Variants in LAMA4 observed in about 807,000 individuals in gnomAD.
LAMA4 encodes laminin subunit alpha 4, also known as laminin subunit alpha-4.
A neutral mutation model predicts 207.1 loss-of-function variants in LAMA4; 127 were observed. The observed-to-expected ratio is 0.61, with a 90% CI of 0.53 to 0.71. The LOEUF (loss-of-function observed/expected upper bound fraction) is 0.71, where lower values mean the gene tolerates loss of function less well. Among genes scored for constraint, LAMA4 ranks in the 30% least tolerant of loss-of-function variants. LAMA4 has a pLI of 0.00. For missense variants in LAMA4, 2,093 were observed against 2,246.5 expected (o/e 0.93, Z 1.38); for synonymous variants, 761 against 816.0 (o/e 0.93, Z 1.15).
chr6:112,148,747 G>T (rs1057249182), intron 17 of LAMA4, among the ~76,000 whole-genome samples: 1 of 151,972 alleles, frequency 6.6e-6, no homozygotes, highest in Admixed American at 6.6e-5. Context: ...AAGAGTTTTA[G>T]TAGTGAATTC....
intron 38 of LAMA4, among the ~76,000 whole-genome samples, chr6:112,109,930 A>G (rs2114530914): frequency 6.6e-6 from 1 of 152,294 alleles, no homozygotes; most frequent in South Asian, 2.1e-4. Context: ...CCTCACTTAT[A>G]ATGTGTACTT....
intron 2 of LAMA4, among the ~76,000 whole-genome samples, chr6:112,228,686 G>C (rs1172981943): frequency 6.6e-6 from 1 of 152,364 alleles, no homozygotes. Flanking sequence ...GAGCTTGCCG[G>C]CGGGAGCTGC....
Position 112,191,819 on chromosome 6 carries a change from G to C in LAMA4, c.535C>G (p.Leu179Val). 6.2e-7 allele frequency: 1 copy of C among 1,613,978 alleles called. No homozygotes were observed. Among genetic ancestry groups the C allele is most frequent in the Non-Finnish European group, 8.5e-7 (1 of 1,179,890 alleles). Residue 179 changes from leucine (L) to valine (V), a missense_variant, in exon 6 of 39, where the codon CTC (leucine) becomes GTC (valine). Coordinates refer to ENST00000230538, the MANE Select transcript of LAMA4 (RefSeq NM_001105206.3). ...CAPGYYGNPL[L>V]IGSTCKKCDC... ...CATTTCTTACAGGTGCTTCCAATGAGTAAGGGGTTTCCATAGTAACCGGGA... is the reference window on the plus strand; with the variant it reads ...CATTTCTTACAGGTGCTTCCAATGACTAAGGGGTTTCCATAGTAACCGGGA...
Position 112,185,247 on chromosome 6 carries a change from A to T in LAMA4, c.1067T>A (p.Leu356Ter). The T allele has an allele frequency of 6.3e-7, 1 of 1,599,212 alleles. No individual in the cohort carries two copies. The highest frequency in any genetic ancestry group is 8.6e-7 in the Non-Finnish European group (1 of 1,166,586). ...MKSLLSDVEE[L>*]VEKENQASRK... ...TACATACATACGTACCTTTTCAACTAATTCCTCTACGTCAGACAGAAGGCT... is the reference window on the plus strand; with the variant it reads ...TACATACATACGTACCTTTTCAACTTATTCCTCTACGTCAGACAGAAGGCT... The change falls in exon 9 of 39, where the codon TTA becomes TAA. Residue 356 changes from leucine to a stop codon, truncating the protein, a stop_gained. Transcript: ENST00000230538. LOFTEE classifies it high-confidence loss of function.
intron 3 of LAMA4, among the ~76,000 whole-genome samples, chr6:112,207,663 C>G (rs1784139443): frequency 6.6e-6 from 1 of 151,902 alleles, no homozygotes; most frequent in African/African-American, 2.4e-5. Flanking sequence ...AAAGAGCATT[C>G]TGCTCATGGG....
chr6:112,152,363 T>C (rs1393858322), intron 16 of LAMA4, among the ~76,000 whole-genome samples: 2 of 152,080 alleles, frequency 1.3e-5, no homozygotes, highest in African/African-American at 2.4e-5. Context: ...GATTTTGTAT[T>C]TGCATCAGTT....
chr6:112,190,498 G>A (rs963050705), intron 6 of LAMA4, among the ~76,000 whole-genome samples: 6 of 152,150 alleles, frequency 3.9e-5, no homozygotes, highest in Non-Finnish European at 5.9e-5. Flanking sequence ...GCATGCCACA[G>A]GAGTACAATA....
chr6:112,254,417 C>T, intron 1 of LAMA4, 42 bp downstream of exon 1: 1 of 527,426 alleles, frequency 1.9e-6, no homozygotes, highest in Non-Finnish European at 3.4e-6. Context: ...CTCCTTCCCG[C>T]AGAGGTTCTG....
Position 112,109,224 on chromosome 6 carries a change from C to G in LAMA4, c.*213G>C. On this transcript the variant is annotated 3_prime_UTR_variant, in exon 39 of 39. Coordinates refer to ENST00000230538, the MANE Select transcript of LAMA4 (RefSeq NM_001105206.3). ...CTCAATACAAGTAAGTTTGCCACTC[C>G]TTCAATTGTTGTCCATTGCAGACAC... 1.7e-6 allele frequency: 1 copy of G among 597,288 alleles called. No individual in the cohort carries two copies. Among genetic ancestry groups the G allele is most frequent in the South Asian group, 2.0e-5 (1 of 50,840 alleles). The allele number at this position is 597,288 out of a possible 1,614,324, so 37.0% of individuals were successfully genotyped here.
At chr6:112,248,000 G>C (rs546223116) in intron 2 of LAMA4, among the ~76,000 whole-genome samples, 1 of 152,322 alleles carries the variant, frequency 6.6e-6, no homozygotes, top group Non-Finnish European at 1.5e-5. Context: ...GATAAGTACT[G>C]CATGATTATG....
intron 29 of LAMA4, chr6:112,130,298 T>TGTGTGTGTGTGTG (rs1778956633): frequency 2.2e-6 from 1 of 459,142 alleles, no homozygotes; most frequent in African/African-American, 3.2e-5. Context: ...TCAGCATTAT[T>TGTGTGTGTGTGTG]TTTGTGTGTG....
At chr6:112,149,044 G>A (rs1314522125) in intron 17 of LAMA4, among the ~76,000 whole-genome samples, 1 of 145,092 alleles carries the variant, frequency 6.9e-6, no homozygotes, top group Non-Finnish European at 1.5e-5. Context: ...CAACTGTAAT[G>A]TAATTAGAAC....
intron 28 of LAMA4, among the ~76,000 whole-genome samples, chr6:112,132,374 T>G (rs1337170071): frequency 6.6e-6 from 1 of 152,144 alleles, no homozygotes; most frequent in East Asian, 1.9e-4. Context: ...AACAAAAAAA[T>G]CTGTGATTTC....
At position 112,216,466 on chromosome 6, in the gene LAMA4, A is replaced by C. The variant is rs934382031; in HGVS notation, c.199T>G (p.Cys67Gly). 2 of 1,609,230 alleles carry C rather than the reference A, an allele frequency of 1.2e-6. No homozygotes were observed. Among genetic ancestry groups the C allele is most frequent in the Non-Finnish European group, 1.7e-6 (2 of 1,175,552 alleles). Reference sequence around the variant, plus strand: ...AGGGTGTGAAAGAATCCAGCATTGCATTTCTGCAACAGACACACCAAACCA... The same window carrying C: ...AGGGTGTGAAAGAATCCAGCATTGCCTTTCTGCAACAGACACACCAAACCA... ...LGRLPPAAEK[C>G]NAGFFHTLSG... is the part of the protein sequence containing the mutation. The change falls in exon 3 of 39, where the codon TGC becomes GGC. Residue 67 changes from cysteine (C) to glycine (G), a missense_variant. Cys to Gly is a radical substitution (Grantham distance 159). This residue lies in a region of LAMA4 where 1,704 missense variants were observed against 1,788.4 expected (regional missense o/e 0.95). Coordinates refer to ENST00000230538, the MANE Select transcript of LAMA4 (RefSeq NM_001105206.3).
rs1777988686 is a variant in LAMA4 at position 112,115,906 on chromosome 6, C to T, written c.5069G>A (p.Ser1690Asn). 1 of 1,613,496 alleles carries T rather than the reference C, an allele frequency of 6.2e-7. No individual in the cohort carries two copies. The highest frequency in any genetic ancestry group is 1.3e-5 in the African/African-American group (1 of 74,870). Residue 1690 changes from serine to asparagine, a missense_variant, in exon 36 of 39, where the codon AGT (serine) becomes AAT (asparagine). Transcript: ENST00000230538. ...AACATTTAGGTACTCCCCATTGACACTGTGGCCGTGGACCAGGGTTCCGGA... is the reference window on the plus strand; with the variant it reads ...AACATTTAGGTACTCCCCATTGACATTGTGGCCGTGGACCAGGGTTCCGGA... ...SSSGTLVHGH[S>N]VNGEYLNVHM...
intron 18 of LAMA4, among the ~76,000 whole-genome samples, chr6:112,145,915 G>GA (rs553039115): frequency 1.6e-4 from 24 of 151,948 alleles, no homozygotes; most frequent in Non-Finnish European, 2.9e-4. Flanking sequence ...GGAATACTGG[G>GA]AAAAAAGGTA....
chr6:112,144,226 T>C (rs1044504207), intron 19 of LAMA4, among the ~76,000 whole-genome samples: 11 of 152,348 alleles, frequency 7.2e-5, no homozygotes, highest in African/African-American at 2.6e-4. Context: ...TGCTTCTATA[T>C]GTGTCCCAAA....
rs1781320845 is a variant in LAMA4, at chr6:112,165,290, G to T, written c.1552-14C>A. ...TTCCTGTTGTTTCTGCGGGAAGGAA[G>T]AGTAAGGGAGAGTGAAGTGAATATG... On this transcript the variant is annotated splice_polypyrimidine_tract_variant and intron_variant, in intron 12 of 38. Transcript: ENST00000230538. The T allele has an allele frequency of 1.3e-6, 2 of 1,482,922 alleles. No homozygotes were observed. The highest frequency in any genetic ancestry group is 1.7e-4 in the Middle Eastern group (1 of 5,804). The allele number at this position is 1,482,922 out of a possible 1,614,324, so 91.9% of individuals were successfully genotyped here.
intron 4 of LAMA4, among the ~76,000 whole-genome samples, chr6:112,203,053 C>G (rs1260270307): frequency 6.6e-6 from 1 of 152,190 alleles, no homozygotes; most frequent in Admixed American, 6.5e-5. Flanking sequence ...CTGGGAACAA[C>G]TGCATGACCA....
Sources: gnomAD v4.1 joint callset for allele counts (sites outside exome capture counted in the v4.1 genomes callset) on GRCh38, gnomAD v4.1.1 for gene constraint, gnomAD v4.1.1 regional missense constraint, MANE v1.5 for transcripts, NCBI Gene and HGNC (gene_info 2026-07-23, HGNC 2026-07-21) for gene names.